GPHN: variants seen among roughly 807,000 people sequenced by gnomAD.
GPHN encodes gephyrin.
In GPHN, 17 loss-of-function variants were observed where a neutral mutation model predicts 95.5. That is an observed-to-expected ratio of 0.18 (90% CI 0.12 to 0.27). The LOEUF (loss-of-function observed/expected upper bound fraction) is 0.27, where lower values mean the gene tolerates loss of function less well. Among genes scored for constraint, GPHN ranks in the 10% least tolerant of loss-of-function variants. The pLI, the probability that GPHN is intolerant of heterozygous loss-of-function variation, is 1.00. For synonymous variants in GPHN, 320 were observed against 322.5 expected, an observed-to-expected ratio of 0.99 and a Z score of 0.08; for missense variants, 660 against 978.1, an observed-to-expected ratio of 0.67 and a Z score of 4.34.
intron 2 of GPHN, among the ~76,000 whole-genome samples, chr14:66,702,893 T>C (rs895825491): frequency 6.6e-6 from 1 of 152,014 alleles, no homozygotes; most frequent in Non-Finnish European, 1.5e-5. Context: ...GATAAGAACG[T>C]TGATAAAAGG....
chr14:66,700,454 G>C (rs190186552), intron 2 of GPHN, among the ~76,000 whole-genome samples: 142 of 152,178 alleles, frequency 9.3e-4, no homozygotes, highest in African/African-American at 3.2e-3. Context: ...GGCTGTTGCT[G>C]TTTTGAATTT....
chr14:66,904,606 T>C (rs1279910335), intron 5 of GPHN, among the ~76,000 whole-genome samples: 2 of 152,148 alleles, frequency 1.3e-5, no homozygotes, highest in African/African-American at 4.8e-5. Flanking sequence ...TCCAGCTGGC[T>C]TCACCTCTCA....
chr14:67,636,743 C>A, the GPHN span, among the ~76,000 whole-genome samples: 1 of 152,238 alleles, frequency 6.6e-6, no homozygotes, highest in African/African-American at 2.4e-5. Context: ...TACCAGCACT[C>A]AGGAGAGAAG....
At chr14:67,506,204 C>T in the GPHN span, among the ~76,000 whole-genome samples, 2 of 151,922 alleles carry the variant, frequency 1.3e-5, no homozygotes, top group Non-Finnish European at 2.9e-5. Context: ...TAGTTTTTTC[C>T]ATGGGACTCT....
At chr14:67,320,335 A>G in the GPHN span, 1 of 1,613,552 alleles carries the variant, frequency 6.2e-7, no homozygotes, top group Admixed American at 1.7e-5. Context: ...AACTGTGGCC[A>G]GAATGAATTG....
intron 2 of GPHN, among the ~76,000 whole-genome samples, chr14:66,711,261 G>T (rs1422195884): frequency 6.6e-6 from 1 of 152,098 alleles, no homozygotes; most frequent in Non-Finnish European, 1.5e-5. Context: ...TCATAGCTTA[G>T]ACCCCACATA....
chr14:67,345,688 G>T, the GPHN span: 1 of 891,442 alleles, frequency 1.1e-6, no homozygotes, highest in Non-Finnish European at 1.9e-6. Context: ...CACAGTATAT[G>T]CTGACTCAAG....
chr14:67,500,276 C>A, the GPHN span, among the ~76,000 whole-genome samples: 3 of 152,104 alleles, frequency 2.0e-5, no homozygotes, highest in African/African-American at 7.2e-5. Flanking sequence ...GAGTTCAAGA[C>A]CAGCCTGGCC....
intron 1 of GPHN, among the ~76,000 whole-genome samples, chr14:66,519,974 G>A (rs189418615): frequency 4.7e-4 from 71 of 152,208 alleles, no homozygotes; most frequent in African/African-American, 1.5e-3. Context: ...TAATCTGTCC[G>A]TAGAGTGTAA....
chr14:67,571,963 GGGCAC>G, the GPHN span: 1 of 1,544,774 alleles, frequency 6.5e-7, no homozygotes, highest in African/African-American at 1.4e-5. Flanking sequence ...CTCTTCCCAT[GGGCAC>G]TTGAACATGG....
chr14:67,473,425 C>T, the GPHN span: 1 of 1,613,054 alleles, frequency 6.2e-7, no homozygotes, highest in South Asian at 1.1e-5. This position sits in a 1 kb window ranked among gnomAD's most constrained non-coding sequence, Gnocchi z 6.5. Flanking sequence ...CCTGCTCAGT[C>T]AGTCTTGACA....
At chr14:66,965,435 G>A in intron 9 of GPHN, 110 bp downstream of exon 9, 1 of 1,007,864 alleles carries the variant, frequency 9.9e-7, no homozygotes, top group Non-Finnish European at 1.6e-6. Context: ...AGATTACACT[G>A]TGAAAAATGA....
the GPHN span, chr14:67,659,992 T>A: frequency 2.1e-6 from 3 of 1,455,306 alleles, no homozygotes; most frequent in Admixed American, 6.3e-5. Flanking sequence ...ATGCCTAGTT[T>A]GGACTAATCA....
At chr14:67,508,754 A>AAAAAAAAAAAAAAAAAAAT in the GPHN span, among the ~76,000 whole-genome samples, 1 of 102,842 alleles carries the variant, frequency 9.7e-6, no homozygotes, top group Non-Finnish European at 2.0e-5. Flanking sequence ...ACCTTGTCTC[A>AAAAAAAAAAAAAAAAAAAT]AAAAAAAAAA....
At chr14:66,536,647 TTGGGAAGTCTCTCTC>T (rs1215499258) in intron 1 of GPHN, among the ~76,000 whole-genome samples, 1 of 152,202 alleles carries the variant, frequency 6.6e-6, no homozygotes, top group African/African-American at 2.4e-5. Flanking sequence ...TGTACTTGAA[TTGGGAAGTCTCTCTC>T]TTTTTTATTC....
chr14:67,615,900 A>G, the GPHN span: 1 of 591,088 alleles, frequency 1.7e-6, no homozygotes, highest in Non-Finnish European at 3.1e-6. Context: ...GCTGCAGATG[A>G]CAAGCAGCCT....
the GPHN span, among the ~76,000 whole-genome samples, chr14:67,685,782 AT>A: frequency 6.6e-6 from 1 of 151,748 alleles, no homozygotes; most frequent in African/African-American, 2.4e-5. Context: ...CACCAGGCTA[AT>A]TTTTGTATTT....
chr14:67,673,127 G>T, the GPHN span, among the ~76,000 whole-genome samples: 1 of 152,190 alleles, frequency 6.6e-6, no homozygotes, highest in Non-Finnish European at 1.5e-5. Context: ...CGGATCACTT[G>T]AGGTCAGGAG....
the GPHN span, among the ~76,000 whole-genome samples, chr14:67,448,998 C>T: frequency 2.0e-5 from 3 of 152,106 alleles, no homozygotes; most frequent in East Asian, 1.9e-4. Context: ...GAAGGTGTCA[C>T]GACAGAAAAG....
Sources: allele counts gnomAD v4.1 joint callset (sites outside exome capture counted in the v4.1 genomes callset), GRCh38; gene constraint gnomAD v4.1.1; non-coding constraint Gnocchi (gnomAD v3.1); transcripts MANE v1.5; gene names NCBI Gene and HGNC (gene_info 2026-07-23, HGNC 2026-07-21).